Variants in ST6GALNAC5 observed in about 807,000 individuals in gnomAD.
ST6GALNAC5 encodes the protein alpha-N-acetylgalactosaminide alpha-2,6-sialyltransferase 5.
A neutral mutation model predicts 33.6 loss-of-function variants in ST6GALNAC5; 27 were observed. The ratio of observed to expected loss-of-function variants is 0.80; its 90% CI spans 0.59 to 1.11. The LOEUF (loss-of-function observed/expected upper bound fraction) is 1.11. Ranked by LOEUF, ST6GALNAC5 falls within the 50% of genes least tolerant of loss-of-function variation. The probability of loss-of-function intolerance (pLI) is 0.00; values close to 1 mark genes in which losing one functional copy is unlikely to be tolerated. For synonymous variants in ST6GALNAC5, 194 were observed against 171.2 expected (o/e 1.13, Z -1.04); for missense variants, 428 against 454.0 (o/e 0.94, Z 0.52).
chr1:76,897,068 T>C (rs1654158875), intron 2 of ST6GALNAC5, among the ~76,000 whole-genome samples: 2 of 152,262 alleles, frequency 1.3e-5, no homozygotes, highest in South Asian at 2.1e-4. Flanking sequence ...ATGAGAATTA[T>C]GCCGAGATAG....
chr1:76,924,438 C>T (rs539918731), intron 2 of ST6GALNAC5, among the ~76,000 whole-genome samples: 6 of 152,296 alleles, frequency 3.9e-5, no homozygotes, highest in African/African-American at 1.2e-4. Context: ...GATGAATACA[C>T]TCCTTTTAAT....
intron 2 of ST6GALNAC5, among the ~76,000 whole-genome samples, chr1:77,043,035 C>T (rs2100460875): frequency 6.6e-6 from 1 of 152,252 alleles, no homozygotes; most frequent in East Asian, 1.9e-4. Context: ...TCAGGAAACT[C>T]CCAAAATAAA....
chr1:76,882,554 CT>C, intron 2 of ST6GALNAC5, among the ~76,000 whole-genome samples: 1 of 152,206 alleles, frequency 6.6e-6, no homozygotes, highest in East Asian at 1.9e-4. Flanking sequence ...GAAAAGGAAA[CT>C]TTTTTAGTAT....
At chr1:76,899,218 A>G (rs1646789357) in intron 2 of ST6GALNAC5, among the ~76,000 whole-genome samples, 1 of 152,132 alleles carries the variant, frequency 6.6e-6, no homozygotes, top group South Asian at 2.1e-4. Flanking sequence ...TTAAGTTCTT[A>G]AGAACACAGG....
At chr1:77,034,985 ACTT>A (rs2100452323) in intron 2 of ST6GALNAC5, among the ~76,000 whole-genome samples, 2 of 152,224 alleles carry the variant, frequency 1.3e-5, no homozygotes, top group South Asian at 4.2e-4. Context: ...CTGAGGTTCC[ACTT>A]CTTCTGTAAA....
chr1:76,879,716 C>T (rs919550336), intron 2 of ST6GALNAC5, among the ~76,000 whole-genome samples: 3 of 152,138 alleles, frequency 2.0e-5, no homozygotes, highest in Non-Finnish European at 4.4e-5. Flanking sequence ...AAGGCTATGG[C>T]AGTGTGGGTC....
At chr1:77,005,102 C>A (rs895771363) in intron 2 of ST6GALNAC5, among the ~76,000 whole-genome samples, 2 of 152,150 alleles carry the variant, frequency 1.3e-5, no homozygotes, top group African/African-American at 4.8e-5. Flanking sequence ...TCGCTGCCAC[C>A]TTGCAGTTTG....
chr1:76,898,937 G>A (rs2100262371), intron 2 of ST6GALNAC5, among the ~76,000 whole-genome samples: 1 of 152,266 alleles, frequency 6.6e-6, no homozygotes, highest in South Asian at 2.1e-4. Flanking sequence ...GAGGGGACAG[G>A]TGGGAGGGAA....
chr1:76,933,827 A>G (rs940564151), intron 2 of ST6GALNAC5, among the ~76,000 whole-genome samples: 11 of 151,004 alleles, frequency 7.3e-5, no homozygotes, highest in African/African-American at 2.4e-4. Context: ...AGCCTCATAG[A>G]TGAGGAAAAT....
chr1:77,020,193 T>C (rs1220924736), intron 2 of ST6GALNAC5, among the ~76,000 whole-genome samples: 1 of 152,220 alleles, frequency 6.6e-6, no homozygotes, highest in Non-Finnish European at 1.5e-5. Context: ...TATATGAAGA[T>C]AACAAGCATG....
rs1647066015 is a variant in ST6GALNAC5 at position 76,924,520 on chromosome 1, C to T, written c.261+55778C>T. On this transcript the variant is annotated intron_variant, in intron 2 of 4. Coordinates refer to ENST00000477717, the MANE Select transcript of ST6GALNAC5 (RefSeq NM_030965.3). Reference sequence around the variant, plus strand: ...CAAGGCATTTAATATACTGTTCTTTCCCTAAAATATTCATAACCAGAATTT... The same window carrying T: ...CAAGGCATTTAATATACTGTTCTTTTCCTAAAATATTCATAACCAGAATTT... 2.0e-5 allele frequency among the ~76,000 whole-genome samples: 3 copies of T among 152,126 alleles called. No individual in the cohort carries two copies. The South Asian group carries it at 6.2e-4, about 32-fold the overall frequency.
At chr1:76,911,174 G>C (rs150358208) in intron 2 of ST6GALNAC5, among the ~76,000 whole-genome samples, 3,518 of 152,168 alleles carry the variant, frequency 0.023, 146 homozygotes, top group African/African-American at 0.081. Context: ...TTTTGTCAAA[G>C]GCCTTTTCTG....
chr1:76,882,750 A>G (rs537628163), intron 2 of ST6GALNAC5, among the ~76,000 whole-genome samples: 1 of 152,266 alleles, frequency 6.6e-6, no homozygotes, highest in South Asian at 2.1e-4. Context: ...TGCATTTCCA[A>G]CTTACAGATC....
intron 2 of ST6GALNAC5, among the ~76,000 whole-genome samples, chr1:76,991,189 A>T (rs1280221695): frequency 6.6e-6 from 1 of 152,200 alleles, no homozygotes; most frequent in Non-Finnish European, 1.5e-5. Context: ...CCCTACAGGG[A>T]TCCACCAATT....
At chr1:76,934,006 C>A (rs1238970283) in intron 2 of ST6GALNAC5, among the ~76,000 whole-genome samples, 1 of 152,000 alleles carries the variant, frequency 6.6e-6, no homozygotes, top group East Asian at 1.9e-4. Flanking sequence ...AGCCACAAAC[C>A]TCCATTTTCC....
chr1:76,896,804 G>A (rs1557713567), intron 2 of ST6GALNAC5, among the ~76,000 whole-genome samples: 1 of 152,152 alleles, frequency 6.6e-6, no homozygotes, highest in Non-Finnish European at 1.5e-5. Flanking sequence ...AGTGTGTTGA[G>A]CATAGTTTGT....
At chr1:76,906,652 C>A (rs1002985408) in intron 2 of ST6GALNAC5, among the ~76,000 whole-genome samples, 1 of 152,040 alleles carries the variant, frequency 6.6e-6, no homozygotes, top group Non-Finnish European at 1.5e-5. Flanking sequence ...AGGGTATAAA[C>A]AGAAAGTTCT....
chr1:77,044,113 C>T lies in ST6GALNAC5; in HGVS notation c.262-91C>T. The T allele has an allele frequency of 2.2e-6, 3 of 1,386,070 alleles. No homozygotes were observed. In the East Asian group the frequency reaches 7.3e-5, roughly 34 times the overall value. The allele number at this position is 1,386,070 out of a possible 1,614,324, so 85.9% of individuals were successfully genotyped here. On this transcript the variant is annotated intron_variant, in intron 2 of 4. Coordinates refer to ENST00000477717, the MANE Select transcript of ST6GALNAC5 (RefSeq NM_030965.3). ...TGGGGAGGAGAGAAGAGATGGGTGCCCTTCTTCAAAGGCAGGGAAGTAGCC... is the reference window on the plus strand; with the variant it reads ...TGGGGAGGAGAGAAGAGATGGGTGCTCTTCTTCAAAGGCAGGGAAGTAGCC...
intron 2 of ST6GALNAC5, among the ~76,000 whole-genome samples, chr1:76,923,227 A>C (rs905821618): frequency 6.6e-6 from 1 of 151,660 alleles, no homozygotes; most frequent in African/African-American, 2.4e-5. Context: ...AACTGCATGT[A>C]AGTCTAATTA....
Sources: gnomAD v4.1 joint callset for allele counts (sites outside exome capture counted in the v4.1 genomes callset) on GRCh38, gnomAD v4.1.1 for gene constraint, MANE v1.5 for transcripts, NCBI Gene and HGNC (gene_info 2026-07-23, HGNC 2026-07-21) for gene names.